SP2: variants seen among roughly 807,000 people sequenced by gnomAD.
SP2 encodes the protein Sp2 transcription factor, also known as transcription factor Sp2.
SP2 carries 9 observed loss-of-function variants against 50.1 expected under a neutral mutation model. The ratio of observed to expected loss-of-function variants is 0.18; its 90% CI spans 0.11 to 0.31. The LOEUF is 0.31. Among genes scored for constraint, SP2 ranks in the 10% least tolerant of loss-of-function variants. The pLI is 1.00. For missense variants in SP2, 581 were observed against 806.5 expected, an observed-to-expected ratio of 0.72 and a Z score of 3.39; for synonymous variants, 313 against 326.6, an observed-to-expected ratio of 0.96 and a Z score of 0.45.
intron 1 of SP2, chr17:47,909,773 T>C (rs2034907370): frequency 1.4e-6 from 1 of 727,860 alleles, no homozygotes; most frequent in Non-Finnish European, 1.7e-6. Flanking sequence ...TACCAGTTTT[T>C]TAAGATGTCC....
At chr17:47,911,042 A>G (rs1261332696) in intron 1 of SP2, among the ~76,000 whole-genome samples, 2 of 151,990 alleles carry the variant, frequency 1.3e-5, no homozygotes, top group African/African-American at 4.8e-5. Context: ...GCAGGGTAAC[A>G]TGGCGAAACC....
chr17:47,924,986 C>T lies in SP2; in HGVS notation c.1440C>T (p.Thr480=), dbSNP rs2035590709. The T allele has an allele frequency of 6.2e-7, 1 of 1,614,152 alleles. No homozygotes were observed. The highest frequency in any genetic ancestry group is 1.7e-5 in the Admixed American group (1 of 60,014). The part of the protein sequence containing the change: ...NNLTISGLSP[T]QIQLQMEQAL... The stretch of plus-strand genomic sequence containing the variant: ...TGACCATCAGTGGGCTGAGCCCCAC[C>T]CAGATCCAGCTGCAAATGGAACAAG... The change falls in exon 5 of 7, where the codon ACC becomes ACT. Residue 480 remains threonine, a synonymous_variant. Coordinates refer to ENST00000376741, the MANE Select transcript of SP2 (RefSeq NM_003110.6).
chr17:47,915,262 C>T (rs752975124), intron 1 of SP2, 50 bp from the exon 2 acceptor site: 11 of 1,290,870 alleles, frequency 8.5e-6, no homozygotes, highest in African/African-American at 1.5e-5. Context: ...AGTGGGCTTG[C>T]GTTCTTTTTG....
chr17:47,911,657 T>G (rs1252263975), intron 1 of SP2, among the ~76,000 whole-genome samples: 1 of 151,918 alleles, frequency 6.6e-6, no homozygotes. Context: ...ATACAAAAAA[T>G]TAGCCGGGCG....
chr17:47,896,387 T>G, intron 1 of SP2, 94 bp downstream of exon 1: 1 of 1,080,656 alleles, frequency 9.3e-7, no homozygotes, highest in Non-Finnish European at 1.2e-6. Flanking sequence ...AGGCCGGGGG[T>G]TCCCCCCTGG....
chr17:47,919,990 C>T (rs2144013678), intron 3 of SP2, among the ~76,000 whole-genome samples: 1 of 151,950 alleles, frequency 6.6e-6, no homozygotes, highest in South Asian at 2.1e-4. Flanking sequence ...GCGCGTGCCA[C>T]CACGCCCGGC....
At chr17:47,912,631 G>C (rs965829428) in intron 1 of SP2, among the ~76,000 whole-genome samples, 3 of 152,042 alleles carry the variant, frequency 2.0e-5, no homozygotes, top group African/African-American at 7.2e-5. Flanking sequence ...TTTTTGTACA[G>C]ATGGGGTCTC....
At chr17:47,920,129 G>A (rs1203263474) in intron 3 of SP2, among the ~76,000 whole-genome samples, 2 of 151,834 alleles carry the variant, frequency 1.3e-5, no homozygotes, top group African/African-American at 4.8e-5. Flanking sequence ...GCCATTGGCA[G>A]CTCTTTCAGG....
At chr17:47,923,467 C>T (rs1489962806) in intron 4 of SP2, among the ~76,000 whole-genome samples, 193 bp downstream of exon 4, 1 of 152,232 alleles carries the variant, frequency 6.6e-6, no homozygotes, top group Non-Finnish European at 1.5e-5. Flanking sequence ...GCACATGTCC[C>T]CATCTGACAG....
chr17:47,927,917 C>A lies in SP2; in HGVS notation c.*93C>A. On this transcript the variant is annotated 3_prime_UTR_variant, in exon 7 of 7. Transcript: ENST00000376741. The stretch of plus-strand genomic sequence containing the variant: ...AAAGGAGCCCTGTGGCTGCCTTGGG[C>A]CTGCCCTCAGCCCCACTCCTGTTCT... 1 of 763,018 alleles carries A rather than the reference C, an allele frequency of 1.3e-6. No homozygotes were observed. Among genetic ancestry groups the A allele is most frequent in the Non-Finnish European group, 2.3e-6 (1 of 437,076 alleles). 47.3% of individuals were successfully genotyped at this position (763,018 alleles called of 1,614,324 possible).
intron 1 of SP2, among the ~76,000 whole-genome samples, chr17:47,901,435 G>A (rs528841799): frequency 2.1e-4 from 31 of 151,038 alleles, no homozygotes; most frequent in African/African-American, 6.3e-4. Context: ...GTGAGCCACC[G>A]TGCCTGGCTT....
In SP2 at chr17:47,916,747, G is replaced by A. The variant is rs750001387; in HGVS notation, c.676G>A (p.Gly226Arg). 17 of 1,612,488 alleles carry A rather than the reference G, an allele frequency of 1.1e-5. No individual in the cohort carries two copies. Among genetic ancestry groups the A allele is most frequent in the Middle Eastern group, 1.6e-4 (1 of 6,072 alleles). Residue 226 changes from glycine (G) to arginine (R), a missense_variant, in exon 3 of 7, where the codon GGG (glycine) becomes AGG (arginine). This residue lies in a region of SP2 where 397 missense variants were observed against 491.0 expected (regional missense o/e 0.81). Transcript: ENST00000376741. This position sits in a 1 kb window ranked among gnomAD's most constrained non-coding sequence, Gnocchi z 4.7. The part of the protein sequence containing the change: ...VNNLVNASDT[G>R]APTQLLTESP... ...CAACCTTGTGAACGCCAGTGACACC[G>A]GGGCCCCTACTCAGCTCCTCACTGA... is the stretch of plus-strand genomic sequence containing the variant.
intron 1 of SP2, 179 bp downstream of exon 1, chr17:47,896,472 G>C (rs2034335819): frequency 8.0e-6 from 4 of 498,118 alleles, no homozygotes; most frequent in East Asian, 7.0e-5. Flanking sequence ...GAGGAGCGGG[G>C]CTGGCCAGCC....
chr17:47,923,340 G>A (rs912351967), intron 4 of SP2, 66 bp downstream of exon 4: 1 of 1,351,320 alleles, frequency 7.4e-7, no homozygotes, highest in Non-Finnish European at 1.0e-6. Context: ...GGAAACTATG[G>A]GCTGGCCCCG....
chr17:47,923,105 C>G lies in SP2; in HGVS notation c.1203C>G (p.His401Gln). 1 of 1,614,254 alleles carries G rather than the reference C, an allele frequency of 6.2e-7. No individual in the cohort carries two copies. The highest frequency in any genetic ancestry group is 8.5e-7 in the Non-Finnish European group (1 of 1,180,042). The change falls in exon 4 of 7, where the codon CAC becomes CAG. Residue 401 changes from histidine (H) to glutamine (Q), a missense_variant. By Grantham distance (24) the His-to-Gln change is conservative (BLOSUM62 0). Around this residue, in one of 2 missense-constraint regions of SP2, gnomAD observed 184 missense variants for 315.5 expected, o/e 0.58. Coordinates refer to ENST00000376741, the MANE Select transcript of SP2 (RefSeq NM_003110.6). ...APHLSGTSKK[H>Q]SAAILRKERP... ...ATCTGAGTGGGACCAGCAAAAAGCA[C>G]TCAGCTGCAATTCTCCGAAAAGAGC...
At position 47,917,106 on chromosome 17, in the gene SP2, G is replaced by T. The variant is rs78896229; in HGVS notation, c.1035G>T (p.Gln345His). ...AGCCCTCCCAGAACTTTCAGATCCA[G>T]GCAGCTGAGCCGACACCTACTCAGG... ...PQKPSQNFQI[Q>H]AAEPTPTQVY... Residue 345 changes from glutamine (Q) to histidine (H), a missense_variant, in exon 3 of 7, where the codon CAG (glutamine) becomes CAT (histidine). By Grantham distance (24) the Gln-to-His change is conservative. Transcript: ENST00000376741. 2 of 1,611,820 alleles carry T rather than the reference G, an allele frequency of 1.2e-6. No individual in the cohort carries two copies. Among genetic ancestry groups the T allele is most frequent in the Non-Finnish European group, 1.7e-6 (2 of 1,179,012 alleles).
intron 4 of SP2, among the ~76,000 whole-genome samples, chr17:47,923,946 C>T (rs144075259): frequency 3.4e-4 from 51 of 152,120 alleles, no homozygotes; most frequent in Middle Eastern, 3.4e-3. Context: ...GTGATCCATC[C>T]GCCTCAGCCT....
chr17:47,903,129 C>T (rs995455681), intron 1 of SP2, among the ~76,000 whole-genome samples: 1 of 152,158 alleles, frequency 6.6e-6, no homozygotes, highest in African/African-American at 2.4e-5. Context: ...ATATACCAGT[C>T]GAGATAGAAA....
chr17:47,912,459 T>A (rs926671506), intron 1 of SP2, among the ~76,000 whole-genome samples: 7 of 151,450 alleles, frequency 4.6e-5, no homozygotes, highest in East Asian at 1.9e-4. Flanking sequence ...TTTTTTTTTT[T>A]ATGGAGATGG....
Sources: gnomAD v4.1 joint callset for allele counts (sites outside exome capture counted in the v4.1 genomes callset) on GRCh38, gnomAD v4.1.1 for gene constraint, gnomAD v4.1.1 regional missense constraint, Gnocchi (gnomAD v3.1) non-coding constraint, MANE v1.5 for transcripts, NCBI Gene and HGNC (gene_info 2026-07-23, HGNC 2026-07-21) for gene names.